The following CAPN14 variants were observed in gnomAD, a reference collection of about 807,000 sequenced individuals.
CAPN14 encodes calpain 14, also known as calpain-14.
Under a neutral mutation model 101.3 loss-of-function variants are expected in CAPN14, and 94 were observed. The observed-to-expected ratio is 0.93, with a 90% CI of 0.79 to 1.10. CAPN14 has a LOEUF of 1.10. Among genes scored for constraint, CAPN14 ranks in the 50% least tolerant of loss-of-function variants. The probability of loss-of-function intolerance (pLI) is 0.00; values close to 1 mark genes in which losing one functional copy is unlikely to be tolerated. For missense variants in CAPN14, 837 were observed against 828.4 expected (o/e 1.01, Z -0.13); for synonymous variants, 338 against 317.9 (o/e 1.06, Z -0.67).
chr2:31,213,615 C>T (rs564377193), intron 1 of CAPN14, among the ~76,000 whole-genome samples: 1 of 152,342 alleles, frequency 6.6e-6, no homozygotes, highest in East Asian at 1.9e-4. Flanking sequence ...TTGGTTGAAT[C>T]CATCATTAAG....
intron 7 of CAPN14, among the ~76,000 whole-genome samples, chr2:31,198,909 G>A (rs1294522602): frequency 6.6e-6 from 1 of 152,092 alleles, no homozygotes; most frequent in Non-Finnish European, 1.5e-5. Context: ...AGCCCAACTC[G>A]ATGGAGGTCT....
Position 31,174,310 on chromosome 2 carries a change from G to T in CAPN14, c.*371C>A. ...TTACCCCACCATGTGAGAACATGTGGCATGTCTAAAGTCACTTGAGTTTGC... is the reference window on the plus strand; with the variant it reads ...TTACCCCACCATGTGAGAACATGTGTCATGTCTAAAGTCACTTGAGTTTGC... On this transcript the variant is annotated 3_prime_UTR_variant, in exon 22 of 22. Coordinates refer to ENST00000403897, the MANE Select transcript of CAPN14 (RefSeq NM_001145122.2). The T allele has an allele frequency of 2.9e-6, 1 of 344,340 alleles. No homozygotes were observed. The highest frequency in any genetic ancestry group is 5.3e-6 in the Non-Finnish European group (1 of 187,494). 21.3% of individuals were successfully genotyped at this position (344,340 alleles called of 1,614,324 possible). A position where few individuals can be genotyped will look rare whatever the true frequency, so the allele number is the denominator to read the frequency against.
At position 31,185,960 on chromosome 2, in the gene CAPN14, C is replaced by T. The variant is rs566100224; in HGVS notation, c.1645+468G>A. On this transcript the variant is annotated intron_variant, in intron 16 of 21. Transcript: ENST00000403897. ...CCAGGCTTCATATGAAAGCCTCACG[C>T]TACTCATTTGCAATTCTTCTAGGTG... Among the ~76,000 whole-genome samples the T allele has an allele frequency of 3.9e-5, 6 of 152,276 alleles. No homozygotes were observed. In the East Asian group the frequency reaches 7.7e-4, roughly 20 times the overall value.
At chr2:31,204,159 A>G (rs1681948984) in intron 2 of CAPN14, among the ~76,000 whole-genome samples, 1 of 152,190 alleles carries the variant, frequency 6.6e-6, no homozygotes, top group African/African-American at 2.4e-5. Flanking sequence ...GCTGTTCTGC[A>G]TATTTCTGGG....
chr2:31,187,200 C>A (rs574650747), intron 15 of CAPN14, among the ~76,000 whole-genome samples: 7 of 152,136 alleles, frequency 4.6e-5, no homozygotes, highest in Non-Finnish European at 1.0e-4. Flanking sequence ...GTTAGGAGAG[C>A]ATGGCCTCCA....
At position 31,202,015 on chromosome 2, in the gene CAPN14, G is replaced by T. The variant is rs557219906; in HGVS notation, c.415-17C>A. On this transcript the variant is annotated splice_polypyrimidine_tract_variant and intron_variant, in intron 4 of 21. Transcript: ENST00000403897. ...GTGCCAGAACTGGAGGGAGAGAGTG[G>T]CCCCGGGTGAATGAGGACTGCTGCA... 9 of 1,551,336 alleles carry T rather than the reference G, an allele frequency of 5.8e-6. No individual in the cohort carries two copies. The African/African-American group carries it at 1.1e-4, about 19-fold the overall frequency.
At chr2:31,197,024 G>T (rs1681500960) in intron 8 of CAPN14, among the ~76,000 whole-genome samples, 1 of 152,080 alleles carries the variant, frequency 6.6e-6, no homozygotes, top group African/African-American at 2.4e-5. Context: ...CACAATGCTG[G>T]CAAGCCCTCA....
At chr2:31,189,852 C>T (rs988953386) in intron 12 of CAPN14, among the ~76,000 whole-genome samples, 3 of 152,090 alleles carry the variant, frequency 2.0e-5, no homozygotes, top group African/African-American at 4.8e-5. Flanking sequence ...AGTCCCAGCC[C>T]GATGGGAATT....
chr2:31,205,109 G>A lies in CAPN14; in HGVS notation c.225+114C>T, dbSNP rs577746422. The A allele has an allele frequency of 1.5e-5, 13 of 842,502 alleles. No homozygotes were observed. The South Asian group carries it at 1.8e-4, about 12-fold the overall frequency. 52.2% of individuals were successfully genotyped at this position (842,502 alleles called of 1,614,324 possible). ...GTTAGAAGAGTGTGTTGTGTTGAGT[G>A]GAGAGGAGAGAGTAGGAAAAAGCCT... On this transcript the variant is annotated intron_variant, in intron 2 of 21. Transcript: ENST00000403897.
intron 5 of CAPN14, among the ~76,000 whole-genome samples, 157 bp downstream of exon 5, chr2:31,201,705 C>A (rs1214086016): frequency 6.6e-6 from 1 of 152,136 alleles, no homozygotes; most frequent in Non-Finnish European, 1.5e-5. Flanking sequence ...GAGGTGACCC[C>A]TACATAAAAG....
At chr2:31,189,999 C>G (rs1473810175) in intron 12 of CAPN14, among the ~76,000 whole-genome samples, 1 of 152,236 alleles carries the variant, frequency 6.6e-6, no homozygotes, top group East Asian at 1.9e-4. Context: ...CAGCTACACA[C>G]AGATAAGCTG....
intron 1 of CAPN14, among the ~76,000 whole-genome samples, chr2:31,213,640 A>G: frequency 6.6e-6 from 1 of 152,374 alleles, no homozygotes; most frequent in Admixed American, 6.5e-5. Context: ...TATCTTAATG[A>G]AACAATTTTA....
chr2:31,174,976 T>A (rs898976829), intron 21 of CAPN14, among the ~76,000 whole-genome samples: 1 of 152,218 alleles, frequency 6.6e-6, no homozygotes, highest in African/African-American at 2.4e-5. Flanking sequence ...CAATTTGGCA[T>A]GCTTGTGCCA....
At chr2:31,181,899 C>G (rs996024359) in intron 16 of CAPN14, among the ~76,000 whole-genome samples, 5 of 151,612 alleles carry the variant, frequency 3.3e-5, no homozygotes, top group African/African-American at 1.2e-4. Context: ...ATATGTGCCA[C>G]ATTTTCTTAA....
At chr2:31,203,953 A>G (rs991816601) in intron 2 of CAPN14, among the ~76,000 whole-genome samples, 2 of 152,200 alleles carry the variant, frequency 1.3e-5, no homozygotes. Flanking sequence ...GAATTGATGC[A>G]TTTTATAGAG....
chr2:31,232,655 C>T (rs967831266), intron 1 of CAPN14, among the ~76,000 whole-genome samples: 15 of 152,132 alleles, frequency 9.9e-5, no homozygotes, highest in African/African-American at 1.7e-4. Flanking sequence ...TCAGCTCTCA[C>T]GAGAACTCAC....
At chr2:31,178,409 G>A (rs961604682) in intron 18 of CAPN14, 102 bp downstream of exon 18, 3 of 843,412 alleles carry the variant, frequency 3.6e-6, no homozygotes, top group Admixed American at 2.1e-5. Context: ...TTGGTGAGGT[G>A]GATATAAAGG....
In CAPN14 at chr2:31,189,346, C is replaced by A; in HGVS notation, c.1420G>T (p.Val474Leu). The stretch of plus-strand genomic sequence containing the variant: ...TGGTGGGCCTCCAATATGCAGGGCA[C>A]GATGAGGTACGTCCCTGGTTCCAGA... ...LCLEPGTYLI[V>L]PCILEAHQKS... The change falls in exon 13 of 22, where the codon GTG becomes TTG. Residue 474 changes from valine to leucine, a missense_variant. Coordinates refer to ENST00000403897, the MANE Select transcript of CAPN14 (RefSeq NM_001145122.2). 1 of 1,551,624 alleles carries A rather than the reference C, an allele frequency of 6.4e-7. No individual in the cohort carries two copies. The highest frequency in any genetic ancestry group is 8.7e-7 in the Non-Finnish European group (1 of 1,146,902).
intron 1 of CAPN14, among the ~76,000 whole-genome samples, chr2:31,206,377 G>A (rs149182256): frequency 0.043 from 6,597 of 152,200 alleles, 174 homozygotes; most frequent in African/African-American, 0.056. Context: ...TGGGCGAGCC[G>A]GCAGTGCATC....
Sources: allele counts gnomAD v4.1 joint callset (sites outside exome capture counted in the v4.1 genomes callset), GRCh38; gene constraint gnomAD v4.1.1; transcripts MANE v1.5; gene names NCBI Gene and HGNC (gene_info 2026-07-23, HGNC 2026-07-21).